HSF2BP: variants seen among roughly 807,000 people sequenced by gnomAD.
HSF2BP encodes heat shock factor 2-binding protein.
HSF2BP carries 35 observed loss-of-function variants against 35.0 expected under a neutral mutation model. The ratio of observed to expected loss-of-function variants is 1.00; its 90% CI spans 0.76 to 1.32. The LOEUF (loss-of-function observed/expected upper bound fraction) is 1.32. Among genes scored for constraint, HSF2BP ranks in the 40% most tolerant of loss-of-function variants. The pLI is 0.00. For synonymous variants in HSF2BP, 114 were observed against 117.4 expected (o/e 0.97, Z 0.18); for missense variants, 326 against 321.7 (o/e 1.01, Z -0.10).
At chr21:43,602,780 C>T (rs537642176) in intron 7 of HSF2BP, among the ~76,000 whole-genome samples, 10 of 152,324 alleles carry the variant, frequency 6.6e-5, no homozygotes, top group Non-Finnish European at 1.3e-4. Flanking sequence ...ACAGACACTA[C>T]ACCCCAACTG....
At chr21:43,630,480 A>G (rs190341172) in intron 5 of HSF2BP, 26 bp from the exon 6 acceptor site, 9 of 1,601,152 alleles carry the variant, frequency 5.6e-6, no homozygotes, top group East Asian at 2.3e-5. Context: ...TCAGAGTGTC[A>G]TATCTTTTTA....
At chr21:43,658,966 G>A (rs575829691) in intron 1 of HSF2BP, among the ~76,000 whole-genome samples, 2 of 152,338 alleles carry the variant, frequency 1.3e-5, no homozygotes, top group South Asian at 2.1e-4. Flanking sequence ...TCGCAGGTAA[G>A]CTGCTGGCTC....
intron 1 of HSF2BP, among the ~76,000 whole-genome samples, chr21:43,658,578 G>A (rs1162235246): frequency 6.6e-6 from 1 of 152,192 alleles, no homozygotes; most frequent in African/African-American, 2.4e-5. Flanking sequence ...GATAACCCCC[G>A]CTACGTGTGG....
intron 4 of HSF2BP, among the ~76,000 whole-genome samples, chr21:43,637,429 A>G (rs2082578186): frequency 6.6e-6 from 1 of 152,112 alleles, no homozygotes; most frequent in Non-Finnish European, 1.5e-5. Flanking sequence ...TGCAACAGAT[A>G]TGTGATGGAA....
rs376360265 is a variant in HSF2BP at position 43,639,120 on chromosome 21, T to A, written c.291+5169A>T. Among the ~76,000 whole-genome samples the A allele has an allele frequency of 2.0e-4, 31 of 152,264 alleles. No homozygotes were observed. The East Asian group carries it at 3.7e-3, about 18-fold the overall frequency. ...CAAAGAAAAAAATATTAACTTGAAC[T>A]TAATCCTCATACCTTCTACAAAAAT... On this transcript the variant is annotated intron_variant, in intron 4 of 8. Coordinates refer to ENST00000291560, the MANE Select transcript of HSF2BP (RefSeq NM_007031.2).
chr21:43,586,661 A>C (rs1254553925), intron 8 of HSF2BP, among the ~76,000 whole-genome samples: 1 of 152,226 alleles, frequency 6.6e-6, no homozygotes, highest in Non-Finnish European at 1.5e-5. Context: ...GTAAGTTCAC[A>C]AGCAGGAAAG....
At chr21:43,601,412 A>T (rs1694947857) in intron 7 of HSF2BP, among the ~76,000 whole-genome samples, 1 of 152,154 alleles carries the variant, frequency 6.6e-6, no homozygotes, top group Non-Finnish European at 1.5e-5. Context: ...ATGTTTATGA[A>T]GCTGCTGCGT....
chr21:43,630,184 A>C (rs1170190951), intron 6 of HSF2BP, 138 bp downstream of exon 6: 2 of 629,426 alleles, frequency 3.2e-6, no homozygotes, highest in African/African-American at 1.9e-5. Context: ...AACAGACTAC[A>C]GTATAGTGTA....
rs2082441674 is a variant in HSF2BP at position 43,630,468 on chromosome 21, A to C, written c.442-14T>G. On this transcript the variant is annotated splice_polypyrimidine_tract_variant and intron_variant, in intron 5 of 8. Coordinates refer to ENST00000291560, the MANE Select transcript of HSF2BP (RefSeq NM_007031.2). ...CAAAGCTTTATCCTGAAAGTTTGAA[A>C]ATCAGAGTGTCATATCTTTTTACAG... The C allele has an allele frequency of 6.2e-7, 1 of 1,606,720 alleles. No homozygotes were observed. Among genetic ancestry groups the C allele is most frequent in the African/African-American group, 1.3e-5 (1 of 74,480 alleles).
chr21:43,578,238 A>G (rs2081670692), intron 8 of HSF2BP, among the ~76,000 whole-genome samples: 1 of 151,808 alleles, frequency 6.6e-6, no homozygotes, highest in Non-Finnish European at 1.5e-5. Context: ...TCCATTTTCA[A>G]CCCTGTCTCA....
intron 3 of HSF2BP, among the ~76,000 whole-genome samples, chr21:43,648,744 A>G (rs1184364195): frequency 2.0e-5 from 3 of 152,214 alleles, no homozygotes; most frequent in Non-Finnish European, 1.5e-5. Flanking sequence ...TCTTCCCAGA[A>G]CTGAAATGGG....
At chr21:43,650,023 T>C (rs2082761613) in intron 3 of HSF2BP, among the ~76,000 whole-genome samples, 1 of 152,182 alleles carries the variant, frequency 6.6e-6, no homozygotes, top group Non-Finnish European at 1.5e-5. Context: ...AAAAACAAAC[T>C]GGATGCTGAA....
chr21:43,611,179 G>A (rs1018308525), intron 7 of HSF2BP, among the ~76,000 whole-genome samples: 10 of 152,130 alleles, frequency 6.6e-5, no homozygotes, highest in African/African-American at 7.2e-5. Flanking sequence ...CTAAGAGGTC[G>A]AGGCTGCAGT....
At chr21:43,646,164 A>T (rs2082706170) in intron 3 of HSF2BP, among the ~76,000 whole-genome samples, 1 of 151,134 alleles carries the variant, frequency 6.6e-6, no homozygotes, top group African/African-American at 2.4e-5. Context: ...AAAAAAAAAA[A>T]GTGGTTCTCA....
At chr21:43,604,087 A>C (rs545524867) in intron 7 of HSF2BP, among the ~76,000 whole-genome samples, 1 of 152,182 alleles carries the variant, frequency 6.6e-6, no homozygotes, top group Admixed American at 6.5e-5. Flanking sequence ...CTGGGAAGAC[A>C]AAAGGCTAAA....
intron 8 of HSF2BP, among the ~76,000 whole-genome samples, chr21:43,582,319 G>A (rs1318293251): frequency 3.6e-5 from 5 of 138,626 alleles, no homozygotes; most frequent in African/African-American, 9.0e-5. Context: ...GGGAGATAAG[G>A]GCCTGTTGCG....
chr21:43,630,252 T>C (rs763234220), intron 6 of HSF2BP, 70 bp downstream of exon 6: 3 of 1,348,486 alleles, frequency 2.2e-6, no homozygotes, highest in Non-Finnish European at 2.0e-6. Flanking sequence ...CATGTATTAT[T>C]GCAGTATTTG....
intron 8 of HSF2BP, among the ~76,000 whole-genome samples, chr21:43,586,047 T>C (rs1206377151): frequency 2.6e-5 from 4 of 152,214 alleles, no homozygotes; most frequent in African/African-American, 9.7e-5. Context: ...AGATGTAAGA[T>C]GGAAATAACC....
chr21:43,632,385 CCA>C (rs1239990879), intron 5 of HSF2BP, among the ~76,000 whole-genome samples: 57 of 90,966 alleles, frequency 6.3e-4, no homozygotes, highest in African/African-American at 2.1e-3. Flanking sequence ...CGCTCCCCCC[CCA>C]CACACACACA....
Sources: gnomAD v4.1 joint callset for allele counts (sites outside exome capture counted in the v4.1 genomes callset) on GRCh38, gnomAD v4.1.1 for gene constraint, MANE v1.5 for transcripts, NCBI Gene and HGNC (gene_info 2026-07-23, HGNC 2026-07-21) for gene names.